The following CD177 variants were observed in gnomAD, a reference collection of about 807,000 sequenced individuals.
The protein encoded by CD177 is CD177 molecule, also known as CD177 antigen.
Under a neutral mutation model 38.1 loss-of-function variants are expected in CD177, and 41 were observed. The ratio of observed to expected loss-of-function variants is 1.07; its 90% CI spans 0.84 to 1.39. CD177 has a LOEUF of 1.39. Ranked by LOEUF, CD177 falls within the 40% of genes most tolerant of loss-of-function variation. CD177 has a pLI of 0.00. For synonymous variants in CD177, 236 were observed against 216.7 expected (o/e 1.09, Z -0.78); for missense variants, 619 against 523.8 (o/e 1.18, Z -1.77).
intron 3 of CD177, among the ~76,000 whole-genome samples, chr19:43,355,109 T>C (rs866355555): frequency 4.1e-5 from 4 of 96,396 alleles, no homozygotes; most frequent in Admixed American, 9.7e-5. Context: ...CTTTTCTTTT[T>C]TTTTTTTTTT....
intron 5 of CD177, 125 bp from the exon 6 acceptor site, chr19:43,360,140 G>T (rs1969939520): frequency 3.5e-6 from 4 of 1,146,480 alleles, no homozygotes; most frequent in Non-Finnish European, 4.9e-6. Flanking sequence ...CTTGGTTAAG[G>T]GAATCTGTGG....
At chr19:43,355,298 G>C (rs1004181900) in intron 3 of CD177, among the ~76,000 whole-genome samples, 2 of 150,710 alleles carry the variant, frequency 1.3e-5, no homozygotes, top group African/African-American at 2.4e-5. Context: ...ATTTTTAGTA[G>C]AGACAGGGTT....
At position 43,362,558 on chromosome 19, in the gene CD177, A is replaced by G. The variant is rs1442242783; in HGVS notation, c.*238A>G. ...GAGGAGTGGCTGCATGTATCTGATA[A>G]TACAGACCCTGTCCTTTCTCCCAGT... On this transcript the variant is annotated 3_prime_UTR_variant, in exon 9 of 9. Transcript: ENST00000618265. 2.5e-6 allele frequency: 1 copy of G among 404,912 alleles called. No homozygotes were observed. 25.1% of individuals were successfully genotyped at this position (404,912 alleles called of 1,614,324 possible).
chr19:43,360,571 G>A lies in CD177; in HGVS notation c.760+166G>A, dbSNP rs1969948718. 1.4e-5 allele frequency: 10 copies of A among 708,200 alleles called. No homozygotes were observed. The South Asian group carries it at 1.7e-4, about 12-fold the overall frequency. 43.9% of individuals were successfully genotyped at this position (708,200 alleles called of 1,614,324 possible). A position where few individuals can be genotyped will look rare whatever the true frequency, so the allele number is the denominator to read the frequency against. ...ATCTTGGGTTCCCCTTATGAAAACT[G>A]GGGGTGAAGCAGTGGGAATGACAGT... On this transcript the variant is annotated intron_variant, in intron 6 of 8. Transcript: ENST00000618265.
In CD177 at chr19:43,354,489, G is replaced by C; in HGVS notation, c.379+97G>C. Reference sequence around the variant, plus strand: ...TACGGAGTCCCTCCCACCCTCGCTCGCTATCCCGACCCTCGCTGGCTCCAT... The same window carrying C: ...TACGGAGTCCCTCCCACCCTCGCTCCCTATCCCGACCCTCGCTGGCTCCAT... On this transcript the variant is annotated intron_variant, in intron 3 of 8. Coordinates refer to ENST00000618265, the MANE Select transcript of CD177 (RefSeq NM_020406.4). The C allele has an allele frequency of 2.3e-6, 3 of 1,314,380 alleles. No individual in the cohort carries two copies. In the South Asian group the frequency reaches 3.7e-5, roughly 16 times the overall value. 81.4% of individuals were successfully genotyped at this position (1,314,380 alleles called of 1,614,324 possible).
In CD177 at chr19:43,362,197, T is replaced by A; in HGVS notation, c.1191T>A (p.Asp397Glu). 1 of 1,613,110 alleles carries A rather than the reference T, an allele frequency of 6.2e-7. No homozygotes were observed. The highest frequency in any genetic ancestry group is 8.5e-7 in the Non-Finnish European group (1 of 1,179,474). The change falls in exon 9 of 9, where the codon GAT becomes GAA. Residue 397 changes from aspartate to glutamate, a missense_variant. By Grantham distance (45) the Asp-to-Glu change is conservative. Transcript: ENST00000618265. ...TCTTCTCTGCGCGTGAGAAGCGTGA[T>A]GTGCAGCCTCCTGCCTCTCAGCATG... ...IGIFSAREKR[D>E]VQPPASQHEG...
At chr19:43,365,902 G>A (rs987210497), downstream of CD177, among the ~76,000 whole-genome samples, 3 of 152,192 alleles carry the variant, frequency 2.0e-5, no homozygotes, top group African/African-American at 4.8e-5. Flanking sequence ...CTGTCCCGTG[G>A]ATGCTGGAGG....
rs1211523403 is a variant in CD177 at position 43,362,515 on chromosome 19, A to C, written c.*195A>C. ...AGCCTGGAGCATCCGGACTTGCCCT[A>C]TGGGAGAGGGGACGCTGGAGGAGTG... On this transcript the variant is annotated 3_prime_UTR_variant, in exon 9 of 9. Transcript: ENST00000618265. 3 of 484,496 alleles carry C rather than the reference A, an allele frequency of 6.2e-6. No homozygotes were observed. 30.0% of individuals were successfully genotyped at this position (484,496 alleles called of 1,614,324 possible).
At chr19:43,360,014 G>A (rs1969937162) in intron 5 of CD177, among the ~76,000 whole-genome samples, 2 of 151,918 alleles carry the variant, frequency 1.3e-5, no homozygotes, top group South Asian at 2.1e-4. Context: ...TGCTCTCACA[G>A]CTAAAGCAAG....
rs1969887607 is a variant in CD177, at chr19:43,354,268, C to T, written c.255C>T (p.Arg85=). ...GCTEAKDQEP[R]VTEHRMGPGL... is the part of the protein sequence containing the mutation. ...CGGAGGCCAAGGACCAGGAGCCCCG[C>T]GTCACTGAGCACCGGATGGGCCCCG... The change falls in exon 3 of 9, where the codon CGC becomes CGT. Residue 85 remains arginine (R), a synonymous_variant. Transcript: ENST00000618265. 2.5e-6 allele frequency: 4 copies of T among 1,613,912 alleles called. No individual in the cohort carries two copies. Among genetic ancestry groups the T allele is most frequent in the Non-Finnish European group, 2.5e-6 (3 of 1,179,876 alleles).
At chr19:43,355,349 T>G (rs1269110387) in intron 3 of CD177, among the ~76,000 whole-genome samples, 1 of 151,572 alleles carries the variant, frequency 6.6e-6, no homozygotes, top group Non-Finnish European at 1.5e-5. Context: ...CCTGACCTCG[T>G]GATCCACCTG....
Position 43,360,282 on chromosome 19 carries a change from C to G in CD177, c.637C>G (p.Arg213Gly), listed in dbSNP as rs748857323. 2 of 1,613,104 alleles carry G rather than the reference C, an allele frequency of 1.2e-6. No individual in the cohort carries two copies. Among genetic ancestry groups the G allele is most frequent in the Non-Finnish European group, 1.7e-6 (2 of 1,179,562 alleles). The change falls in exon 6 of 9, where the codon CGG (arginine) becomes GGG (glycine). Residue 213 changes from arginine to glycine, a missense_variant. Arg to Gly is a moderately radical substitution (Grantham distance 125, BLOSUM62 -2). Transcript: ENST00000618265. ...CTCCCCAGATTTTCTGACCTGTCAT[C>G]GGGGGACCACCATTATGACACACGG... ...CDMKDFLTCH[R>G]GTTIMTHGNL...
At chr19:43,355,909 T>A (rs1339438448) in intron 4 of CD177, 83 bp from the exon 5 acceptor site, 4 of 1,282,152 alleles carry the variant, frequency 3.1e-6, no homozygotes, top group Middle Eastern at 2.3e-4. Context: ...TGGGCCTGGC[T>A]TCCTGGAGCT....
chr19:43,365,186 C>G (rs1271427159), downstream of CD177, among the ~76,000 whole-genome samples: 1 of 135,506 alleles, frequency 7.4e-6, no homozygotes, highest in Admixed American at 7.5e-5. Context: ...GCCAGCCTAT[C>G]TGCAGTGGCC....
chr19:43,362,476 G>A lies in CD177; in HGVS notation c.*156G>A. On this transcript the variant is annotated 3_prime_UTR_variant, in exon 9 of 9. Transcript: ENST00000618265. ...ATCATTCATATCTACTCACCTAACAGCAACACTGGGGAGAGCCTGGAGCAT... is the reference window on the plus strand; with the variant it reads ...ATCATTCATATCTACTCACCTAACAACAACACTGGGGAGAGCCTGGAGCAT... The A allele has an allele frequency of 3.7e-6, 2 of 542,822 alleles. No individual in the cohort carries two copies. Among genetic ancestry groups the A allele is most frequent in the Non-Finnish European group, 6.6e-6 (2 of 305,260 alleles). 33.6% of individuals were successfully genotyped at this position (542,822 alleles called of 1,614,324 possible). A position where few individuals can be genotyped will look rare whatever the true frequency, so the allele number is the denominator to read the frequency against.
At chr19:43,355,612 A>G in intron 3 of CD177, 49 bp from the exon 4 acceptor site, 1 of 1,609,936 alleles carries the variant, frequency 6.2e-7, no homozygotes, top group Non-Finnish European at 8.5e-7. Context: ...TATCTGATCA[A>G]ATCCAGTGCC....
rs368608064 is a variant in CD177 at position 43,361,577 on chromosome 19, G to T, written c.1079G>T (p.Gly360Val). 1.9e-6 allele frequency: 3 copies of T among 1,562,330 alleles called. No homozygotes were observed. The African/African-American group carries it at 4.1e-5, about 21-fold the overall frequency. The change falls in exon 8 of 9, where the codon GGA (glycine) becomes GTA (valine). Residue 360 changes from glycine to valine, a missense_variant and splice_region_variant. Transcript: ENST00000618265. ...TATGATGGGTACATTCATCTCTCAG[G>T]AGGTGAGTGCTGCAAGCAGGGCCCC... Reference protein sequence around the residue: ...HCYDGYIHLSGGGLSTKMSIQ... With the variant: ...HCYDGYIHLSVGGLSTKMSIQ...
At chr19:43,361,419 AC>A (rs1401957671) in intron 7 of CD177, 25 bp from the exon 8 acceptor site, 1 of 1,594,876 alleles carries the variant, frequency 6.3e-7, no homozygotes, top group African/African-American at 1.4e-5. Context: ...AAAGTCATGT[AC>A]CCCCACCTTC....
chr19:43,360,234 C>T lies in CD177; in HGVS notation c.620-31C>T, dbSNP rs774688521. ...AGGGACAGACATGGTGGGTTCCTGG[C>T]TTACACACACCCTGGGATTCCTCTC... On this transcript the variant is annotated intron_variant, in intron 5 of 8. Coordinates refer to ENST00000618265, the MANE Select transcript of CD177 (RefSeq NM_020406.4). 21 of 1,609,352 alleles carry T rather than the reference C, an allele frequency of 1.3e-5. No individual in the cohort carries two copies. The South Asian group carries it at 1.7e-4, about 13-fold the overall frequency.
Sources: gnomAD v4.1 joint callset for allele counts (sites outside exome capture counted in the v4.1 genomes callset) on GRCh38, gnomAD v4.1.1 for gene constraint, MANE v1.5 for transcripts, NCBI Gene and HGNC (gene_info 2026-07-23, HGNC 2026-07-21) for gene names.